The following PID1 variants were observed in gnomAD, a reference collection of about 807,000 sequenced individuals.
PID1 encodes PTB-containing, cubilin and LRP1-interacting protein.
PID1 carries 10 observed loss-of-function variants against 19.1 expected under a neutral mutation model. The observed-to-expected ratio is 0.52, with a 90% confidence interval of 0.32 to 0.89. The LOEUF (loss-of-function observed/expected upper bound fraction) is 0.89. PID1 is among the 40% of genes least tolerant of loss of function. PID1 has a pLI of 0.03. For missense variants in PID1, 248 were observed against 285.3 expected, an observed-to-expected ratio of 0.87 and a Z score of 0.94; for synonymous variants, 130 against 116.0, an observed-to-expected ratio of 1.12 and a Z score of -0.78.
intron 1 of PID1, among the ~76,000 whole-genome samples, chr2:229,159,796 C>A (rs763849259): frequency 1.6e-4 from 25 of 152,104 alleles, no homozygotes; most frequent in Non-Finnish European, 3.5e-4. Context: ...AAAGTAAGAG[C>A]AAGTCTTCGT....
rs143347782 is a variant in PID1 at position 229,133,211 on chromosome 2, G to A, written c.177+22607C>T. ...GCTGTTTCTAATTACACCTTGATCC[G>A]ATAATAACTAAATATTGTTTAAAGT... On this transcript the variant is annotated intron_variant, in intron 2 of 2. Coordinates refer to ENST00000392055, the MANE Select transcript of PID1 (RefSeq NM_001100818.2). 3.2e-3 allele frequency among the ~76,000 whole-genome samples: 481 copies of A among 152,298 alleles called. 3 individuals are homozygous for A. Among genetic ancestry groups the A allele is most frequent in the African/African-American group, 0.01 (423 of 41,568 alleles).
chr2:229,027,275 A>G (rs1693445014), intron 2 of PID1, among the ~76,000 whole-genome samples: 1 of 152,236 alleles, frequency 6.6e-6, no homozygotes, highest in Non-Finnish European at 1.5e-5. Flanking sequence ...TTTTTAATAA[A>G]GATGTGTAAG....
intron 1 of PID1, among the ~76,000 whole-genome samples, chr2:229,219,293 C>T (rs1043251977): frequency 2.6e-5 from 4 of 152,070 alleles, no homozygotes; most frequent in African/African-American, 9.7e-5. Flanking sequence ...GCTGAGGATG[C>T]CTCAGGAAAC....
intron 1 of PID1, among the ~76,000 whole-genome samples, chr2:229,259,370 A>C (rs1690397156): frequency 6.6e-6 from 1 of 152,080 alleles, no homozygotes; most frequent in African/African-American, 2.4e-5. Context: ...AATTTTGATA[A>C]AGTCCAATTT....
intron 2 of PID1, among the ~76,000 whole-genome samples, chr2:229,068,504 C>A (rs1466451406): frequency 6.6e-6 from 1 of 152,164 alleles, no homozygotes; most frequent in Non-Finnish European, 1.5e-5. Flanking sequence ...ACAAGTAATT[C>A]AATTAGGGTG....
intron 1 of PID1, among the ~76,000 whole-genome samples, chr2:229,196,591 G>C (rs1190243988): frequency 2.0e-5 from 3 of 152,058 alleles, no homozygotes; most frequent in South Asian, 4.1e-4. Flanking sequence ...AAATTATCTT[G>C]TTAAAGCTTC....
chr2:229,233,219 T>C (rs927134157), intron 1 of PID1, among the ~76,000 whole-genome samples: 1 of 152,200 alleles, frequency 6.6e-6, no homozygotes, highest in Admixed American at 6.5e-5. Context: ...TAATATAATA[T>C]GAATTATTCA....
chr2:229,141,430 G>C (rs1690008727), intron 2 of PID1, among the ~76,000 whole-genome samples: 1 of 152,094 alleles, frequency 6.6e-6, no homozygotes, highest in Non-Finnish European at 1.5e-5. Flanking sequence ...CCACAAGCAA[G>C]GTGGACTCTG....
intron 2 of PID1, among the ~76,000 whole-genome samples, chr2:229,037,612 C>T (rs1006209419): frequency 6.6e-6 from 1 of 152,130 alleles, no homozygotes; most frequent in African/African-American, 2.4e-5. Flanking sequence ...TGAAGTGTGC[C>T]CCTGAAGACA....
intron 2 of PID1, among the ~76,000 whole-genome samples, chr2:229,071,656 C>T (rs1054816390): frequency 1.3e-5 from 2 of 152,060 alleles, no homozygotes; most frequent in African/African-American, 4.8e-5. Context: ...TAATTAAAAC[C>T]CCAGGATAAA....
intron 2 of PID1, among the ~76,000 whole-genome samples, chr2:229,138,565 G>A (rs552360643): frequency 5.2e-4 from 79 of 152,098 alleles, no homozygotes; most frequent in Non-Finnish European, 6.8e-4. Flanking sequence ...ATATGTATAA[G>A]GACTCCCTCC....
intron 2 of PID1, among the ~76,000 whole-genome samples, chr2:229,094,002 C>T (rs952149677): frequency 1.3e-5 from 2 of 152,032 alleles, no homozygotes. Flanking sequence ...AACTGGAAAA[C>T]TATCTCTGCT....
chr2:229,055,680 TATACTC>T (rs1333851341), intron 2 of PID1, among the ~76,000 whole-genome samples: 1 of 152,224 alleles, frequency 6.6e-6, no homozygotes, highest in African/African-American at 2.4e-5. Flanking sequence ...AAGATAACAT[TATACTC>T]ATATTTAAGC....
intron 2 of PID1, among the ~76,000 whole-genome samples, chr2:229,085,791 T>C (rs1694752611): frequency 6.6e-6 from 1 of 152,038 alleles, no homozygotes; most frequent in African/African-American, 2.4e-5. Context: ...CTGATCTGCA[T>C]CATACCAAAT....
At chr2:229,192,680 A>T (rs1217127166) in intron 1 of PID1, among the ~76,000 whole-genome samples, 1 of 152,204 alleles carries the variant, frequency 6.6e-6, no homozygotes, top group African/African-American at 2.4e-5. Context: ...GGTAATAATC[A>T]TAGTGATACC....
At chr2:229,126,222 A>G (rs1695619498) in intron 2 of PID1, among the ~76,000 whole-genome samples, 1 of 152,204 alleles carries the variant, frequency 6.6e-6, no homozygotes, top group Admixed American at 6.5e-5. Context: ...CTATGAAATA[A>G]TGATGCTGCA....
intron 1 of PID1, among the ~76,000 whole-genome samples, chr2:229,168,477 C>T (rs933066336): frequency 6.6e-6 from 1 of 152,090 alleles, no homozygotes; most frequent in Non-Finnish European, 1.5e-5. Flanking sequence ...TTCTTCATCC[C>T]TTTTACTTTG....
At chr2:229,267,872 G>A (rs1292099992) in intron 1 of PID1, among the ~76,000 whole-genome samples, 1 of 151,970 alleles carries the variant, frequency 6.6e-6, no homozygotes, top group East Asian at 1.9e-4. Flanking sequence ...TTTCTGAAAG[G>A]AGTCTGTTTC....
chr2:229,027,473 C>G (rs1458588954), intron 2 of PID1, among the ~76,000 whole-genome samples: 2 of 152,134 alleles, frequency 1.3e-5, no homozygotes, highest in African/African-American at 2.4e-5. Flanking sequence ...CTCCACAGTT[C>G]ACCAGGACAA....
Sources: gnomAD v4.1 joint callset for allele counts (sites outside exome capture counted in the v4.1 genomes callset) on GRCh38, gnomAD v4.1.1 for gene constraint, MANE v1.5 for transcripts, NCBI Gene and HGNC (gene_info 2026-07-23, HGNC 2026-07-21) for gene names.